Variants in KIF1A observed in about 807,000 individuals in gnomAD.
The protein encoded by KIF1A is kinesin-like protein KIF1A.
Under a neutral mutation model 227.3 loss-of-function variants are expected in KIF1A, and 46 were observed. That is an observed-to-expected ratio of 0.20 (90% CI 0.16 to 0.26). KIF1A has a LOEUF of 0.26. Among genes scored for constraint, KIF1A ranks in the 10% least tolerant of loss-of-function variants. The probability of loss-of-function intolerance (pLI) is 1.00; values close to 1 mark genes in which losing one functional copy is unlikely to be tolerated. For missense variants in KIF1A, 1,683 were observed against 2,485.9 expected (o/e 0.68, Z 6.87); for synonymous variants, 1,022 against 1,012.8 (o/e 1.01, Z -0.17).
intron 1 of KIF1A, among the ~76,000 whole-genome samples, chr2:240,805,275 T>C (rs1156773256): frequency 6.6e-6 from 1 of 152,200 alleles, no homozygotes; most frequent in Non-Finnish European, 1.5e-5. Flanking sequence ...TTGGCTTAAA[T>C]GTTCTAAGAA....
intron 1 of KIF1A, among the ~76,000 whole-genome samples, chr2:240,806,917 G>A (rs1236303141): frequency 1.3e-5 from 2 of 152,012 alleles, no homozygotes; most frequent in Non-Finnish European, 2.9e-5. Context: ...TTATGAGAAT[G>A]GAGGAAAGAG....
intron 42 of KIF1A, among the ~76,000 whole-genome samples, chr2:240,723,135 G>A (rs901044314): frequency 3.9e-5 from 6 of 152,320 alleles, no homozygotes; most frequent in South Asian, 2.1e-4. Context: ...CTCTCCTTCC[G>A]GGTCCCTTTC....
chr2:240,718,169 C>A lies in KIF1A; in HGVS notation c.5215-1G>T. ...TGCACACCGCGAATGTGTTGGGTGT[C>A]TGCAGAGGGAGGCAGCTGGTGAGGA... On this transcript the variant is annotated splice_acceptor_variant, in intron 47 of 48. Coordinates refer to ENST00000498729, the MANE Select transcript of KIF1A (RefSeq NM_001244008.2). LOFTEE classifies it high-confidence loss of function. The A allele has an allele frequency of 6.3e-7, 1 of 1,595,032 alleles. No individual in the cohort carries two copies.
chr2:240,723,805 C>A (rs2045680956), intron 41 of KIF1A, among the ~76,000 whole-genome samples, 170 bp downstream of exon 41: 1 of 152,226 alleles, frequency 6.6e-6, no homozygotes, highest in South Asian at 2.1e-4. Context: ...AGGCCTGACT[C>A]TCCTCCCTCG....
chr2:240,794,418 G>A (rs2056129410), intron 2 of KIF1A, among the ~76,000 whole-genome samples: 1 of 152,188 alleles, frequency 6.6e-6, no homozygotes, highest in African/African-American at 2.4e-5. Context: ...CCTGCAGTGA[G>A]TGCCCATCTG....
chr2:240,773,271 G>A lies in KIF1A; in HGVS notation c.1038-15C>T, dbSNP rs748096690. 1.9e-5 allele frequency: 30 copies of A among 1,613,700 alleles called. No homozygotes were observed. Among genetic ancestry groups the A allele is most frequent in the Non-Finnish European group, 2.5e-5 (29 of 1,179,750 alleles). ...GGTCAGCATACCTGGGTGGCAGAGGGGGCTGTGGGCTGTGCTCGGGACAGG... is the reference window on the plus strand; with the variant it reads ...GGTCAGCATACCTGGGTGGCAGAGGAGGCTGTGGGCTGTGCTCGGGACAGG... On this transcript the variant is annotated splice_polypyrimidine_tract_variant and intron_variant, in intron 12 of 48. Transcript: ENST00000498729.
intron 10 of KIF1A, chr2:240,782,230 C>T (rs2054139198): frequency 3.1e-6 from 3 of 982,016 alleles, no homozygotes; most frequent in Admixed American, 6.1e-5. Flanking sequence ...ACGCCTGTCA[C>T]CCGCTTCCTC....
At chr2:240,723,304 G>C in intron 42 of KIF1A, 109 bp downstream of exon 42, 1 of 1,110,674 alleles carries the variant, frequency 9.0e-7, no homozygotes, top group Non-Finnish European at 1.3e-6. Context: ...CCAAGCAGCT[G>C]TGCTGCCCCC....
In KIF1A at chr2:240,789,145, A is replaced by G; in HGVS notation, c.183+91T>C. 1 of 1,025,462 alleles carries G rather than the reference A, an allele frequency of 9.8e-7. No individual in the cohort carries two copies. The highest frequency in any genetic ancestry group is 1.5e-6 in the Non-Finnish European group (1 of 658,426). The allele number at this position is 1,025,462 out of a possible 1,614,324, so 63.5% of individuals were successfully genotyped here. A position where few individuals can be genotyped will look rare whatever the true frequency, so the allele number is the denominator to read the frequency against. On this transcript the variant is annotated intron_variant, in intron 3 of 48. Transcript: ENST00000498729. The surrounding 1 kb of genome is among the most constrained non-coding windows in gnomAD (Gnocchi z 4.8). ...GGGTCCTCGCCCCAGTTAGAGAGGA[A>G]TGAGCGGCTCAGAGAAGTTGAGGGA... is the stretch of plus-strand genomic sequence containing the variant.
At position 240,786,322 on chromosome 2, in the gene KIF1A, T is replaced by C. The variant is rs2126070994; in HGVS notation, c.608+13A>G. The C allele has an allele frequency of 3.1e-6, 5 of 1,609,386 alleles. No individual in the cohort carries two copies. The highest frequency in any genetic ancestry group is 4.2e-6 in the Non-Finnish European group (5 of 1,176,586). ...CAGGAGGGCAGGGAGGTCCAGTGAG[T>C]CCCTCCACCCACCTGGCCTTGTTCC... On this transcript the variant is annotated intron_variant, in intron 6 of 48. Coordinates refer to ENST00000498729, the MANE Select transcript of KIF1A (RefSeq NM_001244008.2).
intron 14 of KIF1A, 40 bp downstream of exon 14, chr2:240,772,530 T>C (rs1209997855): frequency 6.5e-7 from 1 of 1,534,804 alleles, no homozygotes; most frequent in Non-Finnish European, 8.8e-7. Flanking sequence ...TGGCTGGGGC[T>C]GGAAGCAGAG....
At chr2:240,769,599 C>A (rs1419198837) in intron 16 of KIF1A, 28 bp downstream of exon 16, 1 of 1,599,640 alleles carries the variant, frequency 6.3e-7, no homozygotes, top group Non-Finnish European at 8.6e-7. Flanking sequence ...CACCCCTCCC[C>A]CTGGGCCTCA....
rs2056032745 is a variant in KIF1A at position 240,793,683 on chromosome 2, T to G, written c.106+3964A>C. 6.6e-6 allele frequency among the ~76,000 whole-genome samples: 1 copy of G among 152,224 alleles called. No individual in the cohort carries two copies. Among genetic ancestry groups the G allele is most frequent in the African/African-American group, 2.4e-5 (1 of 41,456 alleles). ...TGGCTCACAAAACTGCTAGGTCTGGTGTGTTCAAATGAAGAGGATTATTTA... is the reference window on the plus strand; with the variant it reads ...TGGCTCACAAAACTGCTAGGTCTGGGGTGTTCAAATGAAGAGGATTATTTA... On this transcript the variant is annotated intron_variant, in intron 2 of 48. Transcript: ENST00000498729. This position sits in a 1 kb window ranked among gnomAD's most constrained non-coding sequence, Gnocchi z 4.8.
Position 240,769,246 on chromosome 2 carries a change from A to G in KIF1A, c.1422-38T>C, listed in dbSNP as rs569032284. Reference sequence around the variant, plus strand: ...AGCTGAGGTCAGCACAAGCTCCACAAGGCTTCCAGCACTGGCCTCAGCCCT... The same window carrying G: ...AGCTGAGGTCAGCACAAGCTCCACAGGGCTTCCAGCACTGGCCTCAGCCCT... On this transcript the variant is annotated intron_variant, in intron 16 of 48. Transcript: ENST00000498729. 4.4e-5 allele frequency: 69 copies of G among 1,570,482 alleles called. 2 individuals carry two copies. The East Asian group carries it at 1.5e-3, about 35-fold the overall frequency.
At chr2:240,759,618 G>T (rs950246919) in intron 25 of KIF1A, among the ~76,000 whole-genome samples, 2 of 152,100 alleles carry the variant, frequency 1.3e-5, no homozygotes, top group African/African-American at 4.8e-5. Flanking sequence ...CTGCAGGGTG[G>T]GGCGTGCCAT....
rs776552179 is a variant in KIF1A, at chr2:240,723,545, C to A, written c.4332G>T (p.Arg1444=). The A allele has an allele frequency of 2.9e-5, 44 of 1,537,926 alleles. No homozygotes were observed. The highest frequency in any genetic ancestry group is 3.7e-5 in the Non-Finnish European group (42 of 1,137,070). Reference sequence around the variant, plus strand: ...CAGATGTGTCCAGGACTCGTCGGCGCCGGCGCTGCATCCCTGCATGGGGCA... The same window carrying A: ...CAGATGTGTCCAGGACTCGTCGGCGACGGCGCTGCATCCCTGCATGGGGCA... ...ADAGSPGMQR[R]RRRVLDTSVA... The change falls in exon 42 of 49, where the codon CGG becomes CGT. Residue 1444 remains arginine, a synonymous_variant. Coordinates refer to ENST00000498729, the MANE Select transcript of KIF1A (RefSeq NM_001244008.2).
chr2:240,783,185 T>A (rs1022531281), intron 8 of KIF1A, 76 bp from the exon 9 acceptor site: 2 of 1,161,020 alleles, frequency 1.7e-6, no homozygotes, highest in Non-Finnish European at 2.6e-6. Flanking sequence ...ATGCCCTGGG[T>A]GGACCTGTGC....
chr2:240,725,252 C>T lies in KIF1A; in HGVS notation c.4256+19G>A. The T allele has an allele frequency of 6.3e-7, 1 of 1,585,048 alleles. No homozygotes were observed. The highest frequency in any genetic ancestry group is 8.6e-7 in the Non-Finnish European group (1 of 1,166,370). On this transcript the variant is annotated intron_variant, in intron 40 of 48. Coordinates refer to ENST00000498729, the MANE Select transcript of KIF1A (RefSeq NM_001244008.2). This position sits in a 1 kb window ranked among gnomAD's most constrained non-coding sequence, Gnocchi z 5.8. ...GACCAGGGTGGGAGTCCATGTGGTC[C>T]TCACCCCTGGGAGCTTACCTCTCTG...
At position 240,716,223 on chromosome 2, in the gene KIF1A, C is replaced by T. The variant is rs2044586167; in HGVS notation, c.*1141G>A. ...CCCATGGGATTTTCTCAGTGGGACT[C>T]ACAGAAACTCTCTGCCCTGGGAACA... is the stretch of plus-strand genomic sequence containing the variant. On this transcript the variant is annotated 3_prime_UTR_variant, in exon 49 of 49. Coordinates refer to ENST00000498729, the MANE Select transcript of KIF1A (RefSeq NM_001244008.2). 6.6e-6 allele frequency: 1 copy of T among 152,262 alleles called. No individual in the cohort carries two copies. The allele number at this position is 152,262 out of a possible 1,614,324, so 9.4% of individuals were successfully genotyped here.
Sources: gnomAD v4.1 joint callset for allele counts (sites outside exome capture counted in the v4.1 genomes callset) on GRCh38, gnomAD v4.1.1 for gene constraint, Gnocchi (gnomAD v3.1) non-coding constraint, MANE v1.5 for transcripts, NCBI Gene and HGNC (gene_info 2026-07-23, HGNC 2026-07-21) for gene names.